USP34: variants seen among roughly 807,000 people sequenced by gnomAD.
The protein encoded by USP34 is ubiquitin specific peptidase 34, also known as ubiquitin carboxyl-terminal hydrolase 34.
Under a neutral mutation model 460.3 loss-of-function variants are expected in USP34, and 70 were observed. The ratio of observed to expected loss-of-function variants is 0.15; its 90% confidence interval spans 0.13 to 0.19. The LOEUF (loss-of-function observed/expected upper bound fraction) is 0.19. Ranked by LOEUF, USP34 falls within the 10% of genes least tolerant of loss-of-function variation. USP34 has a pLI of 1.00. For synonymous variants in USP34, 1,647 were observed against 1,405.3 expected, an observed-to-expected ratio of 1.17 and a Z score of -3.85; for missense variants, 3,985 against 4,236.2, an observed-to-expected ratio of 0.94 and a Z score of 1.65.
At chr2:61,444,585 C>G (rs746977771) in intron 1 of USP34, among the ~76,000 whole-genome samples, 1 of 152,046 alleles carries the variant, frequency 6.6e-6, no homozygotes, top group Non-Finnish European at 1.5e-5. Context: ...CCAATAAATA[C>G]AAAATCAGAT....
chr2:61,262,166 T>C (rs1688909295), intron 43 of USP34, among the ~76,000 whole-genome samples: 2 of 143,682 alleles, frequency 1.4e-5, no homozygotes, highest in Admixed American at 7.1e-5. Flanking sequence ...TATAGAAATA[T>C]ATGTACACAG....
At chr2:61,282,999 C>T in intron 37 of USP34, 146 bp downstream of exon 37, 1 of 703,810 alleles carries the variant, frequency 1.4e-6, no homozygotes, top group African/African-American at 1.8e-5. Flanking sequence ...TAGTTCAAAA[C>T]ACTCTAGACC....
At position 61,380,335 on chromosome 2, in the gene USP34, T is replaced by C. The variant is rs765649853; in HGVS notation, c.848A>G (p.Glu283Gly). 1.2e-6 allele frequency: 2 copies of C among 1,610,668 alleles called. No homozygotes were observed. Among genetic ancestry groups the C allele is most frequent in the Admixed American group, 3.4e-5 (2 of 59,030 alleles). Residue 283 changes from glutamate to glycine, a missense_variant, in exon 7 of 80, where the codon GAG becomes GGG. Physicochemically the swap from Glu to Gly is moderately conservative, Grantham distance 98 (BLOSUM62 -2). Transcript: ENST00000398571. The stretch of plus-strand genomic sequence containing the variant: ...GTTACGAGCTGCACTCTGTCGTAAC[T>C]CCTGATCCGAGAGCTTGCATAAATA... ...IRYLCKLSDQ[E>G]LRQSAARNMA... is the part of the protein sequence containing the mutation.
chr2:61,188,995 C>G lies in USP34; in HGVS notation c.9948G>C (p.Leu3316=), dbSNP rs1266620624. 12 of 1,614,164 alleles carry G rather than the reference C, an allele frequency of 7.4e-6. No individual in the cohort carries two copies. The highest frequency in any genetic ancestry group is 9.3e-6 in the Non-Finnish European group (11 of 1,180,048). The change falls in exon 79 of 80, where the codon CTG becomes CTC. Residue 3316 remains leucine (L), a synonymous_variant. Coordinates refer to ENST00000398571, the MANE Select transcript of USP34 (RefSeq NM_014709.4). ...KQLNPALIPT[L]QELLSKCRTC... is the part of the protein sequence containing the mutation. ...TCCTGCATTTGCTTAAAAGCTCTTG[C>G]AGAGTTGGAATTAGAGCTGGGTTTA...
intron 5 of USP34, among the ~76,000 whole-genome samples, chr2:61,387,161 C>T (rs780729668): frequency 4.6e-5 from 7 of 151,904 alleles, no homozygotes; most frequent in Non-Finnish European, 1.0e-4. Context: ...TCTCATTAGT[C>T]GTTAGAAATA....
intron 1 of USP34, among the ~76,000 whole-genome samples, chr2:61,454,181 G>A (rs1387408602): frequency 6.6e-6 from 1 of 152,168 alleles, no homozygotes; most frequent in Non-Finnish European, 1.5e-5. Flanking sequence ...CTGTCACCCA[G>A]GGGTGTGATC....
Position 61,380,317 on chromosome 2 carries a change from G to C in USP34, c.866C>G (p.Ala289Gly). ...LSDQELRQSA[A>G]RNMADLMWST... ...CCACATTAAGTCAGCCATGTTACGA[G>C]CTGCACTCTGTCGTAACTCCTGATC... The change falls in exon 7 of 80, where the codon GCT becomes GGT. Residue 289 changes from alanine (A) to glycine (G), a missense_variant. Coordinates refer to ENST00000398571, the MANE Select transcript of USP34 (RefSeq NM_014709.4). 6.2e-7 allele frequency: 1 copy of C among 1,613,918 alleles called. No individual in the cohort carries two copies. The highest frequency in any genetic ancestry group is 8.5e-7 in the Non-Finnish European group (1 of 1,179,882).
chr2:61,391,104 C>T (rs1411204786), intron 5 of USP34, among the ~76,000 whole-genome samples: 2 of 150,234 alleles, frequency 1.3e-5, no homozygotes, highest in Admixed American at 6.6e-5. Context: ...AAAAAAAAAA[C>T]GAAAAAATAA....
At chr2:61,464,105 C>T (rs1323794597) in intron 1 of USP34, among the ~76,000 whole-genome samples, 1 of 152,154 alleles carries the variant, frequency 6.6e-6, no homozygotes, top group Admixed American at 6.6e-5. Flanking sequence ...GATCACCTGA[C>T]ATCATTAGTT....
chr2:61,264,494 C>T (rs962970273), intron 43 of USP34, among the ~76,000 whole-genome samples: 13 of 151,118 alleles, frequency 8.6e-5, no homozygotes, highest in African/African-American at 3.2e-4. Context: ...TAAAAAACTC[C>T]GCCAGGCATG....
chr2:61,342,730 A>G (rs567888194), intron 16 of USP34, among the ~76,000 whole-genome samples: 11 of 152,182 alleles, frequency 7.2e-5, no homozygotes, highest in Non-Finnish European at 1.6e-4. Flanking sequence ...AAACATTGTA[A>G]AACAAGGTAG....
chr2:61,361,669 A>G (rs1572968122), intron 10 of USP34, among the ~76,000 whole-genome samples: 2 of 152,326 alleles, frequency 1.3e-5, no homozygotes, highest in East Asian at 3.9e-4. Flanking sequence ...AAAATGGATT[A>G]AAAACTTCAA....
At chr2:61,368,519 C>G (rs749920139) in intron 10 of USP34, among the ~76,000 whole-genome samples, 2 of 151,858 alleles carry the variant, frequency 1.3e-5, no homozygotes, top group Non-Finnish European at 2.9e-5. Flanking sequence ...TTTACCAATC[C>G]CTGGTATAGA....
intron 1 of USP34, among the ~76,000 whole-genome samples, chr2:61,423,564 GA>G (rs1307826332): frequency 1.3e-5 from 2 of 152,156 alleles, no homozygotes; most frequent in African/African-American, 4.8e-5. Flanking sequence ...TAAATGGGAA[GA>G]AATCCCACAT....
At chr2:61,342,296 C>CTTTTTTTTTT (rs34298126) in intron 16 of USP34, among the ~76,000 whole-genome samples, 1 of 95,076 alleles carries the variant, frequency 1.1e-5, no homozygotes, top group African/African-American at 4.3e-5. Flanking sequence ...TGGCCGTTTC[C>CTTTTTTTTTT]TTTTTTTTTT....
chr2:61,306,056 C>A (rs1690393978), intron 27 of USP34, among the ~76,000 whole-genome samples: 1 of 152,046 alleles, frequency 6.6e-6, no homozygotes, highest in African/African-American at 2.4e-5. Flanking sequence ...ATGGTAGTTT[C>A]TTTTGCTGTG....
At chr2:61,368,775 T>G (rs891893074) in intron 10 of USP34, among the ~76,000 whole-genome samples, 6 of 152,054 alleles carry the variant, frequency 3.9e-5, no homozygotes, top group African/African-American at 1.4e-4. Context: ...TAAAGGAGAA[T>G]TCTCTTATAA....
chr2:61,283,339 T>G, intron 36 of USP34, 70 bp from the exon 37 acceptor site: 9 of 1,577,466 alleles, frequency 5.7e-6, no homozygotes, highest in Non-Finnish European at 7.7e-6. Context: ...TGTTCAATAT[T>G]AAAGGTAAAA....
intron 8 of USP34, among the ~76,000 whole-genome samples, chr2:61,376,832 T>C (rs1006313382): frequency 6.6e-6 from 1 of 152,176 alleles, no homozygotes; most frequent in Non-Finnish European, 1.5e-5. Flanking sequence ...ACAGTAGAGA[T>C]GGAATTTCAC....
Sources: allele counts gnomAD v4.1 joint callset (sites outside exome capture counted in the v4.1 genomes callset), GRCh38; gene constraint gnomAD v4.1.1; transcripts MANE v1.5; gene names NCBI Gene and HGNC (gene_info 2026-07-23, HGNC 2026-07-21).